Variants in DDX23 observed in about 807,000 individuals in gnomAD.
The protein encoded by DDX23 is probable ATP-dependent RNA helicase DDX23.
DDX23 carries 33 observed loss-of-function variants against 102.7 expected under a neutral mutation model. That is an observed-to-expected ratio of 0.32 (90% CI 0.24 to 0.43). The LOEUF (loss-of-function observed/expected upper bound fraction) is 0.43, where lower values mean the gene tolerates loss of function less well. Ranked by LOEUF, DDX23 falls within the 20% of genes least tolerant of loss-of-function variation. The pLI is 1.00. For missense variants in DDX23, 549 were observed against 1,086.6 expected (o/e 0.51, Z 6.96); for synonymous variants, 352 against 376.0 (o/e 0.94, Z 0.74).
chr12:48,837,845 C>A, intron 6 of DDX23, 97 bp downstream of exon 6: 1 of 1,570,764 alleles, frequency 6.4e-7, no homozygotes, highest in African/African-American at 1.4e-5. Context: ...TTTCCAAACT[C>A]CAGAGTGAAC....
At chr12:48,849,687 A>G (rs1031167312) in intron 1 of DDX23, among the ~76,000 whole-genome samples, 1 of 151,360 alleles carries the variant, frequency 6.6e-6, no homozygotes, top group African/African-American at 2.4e-5. Context: ...AAAATCAGCC[A>G]GGTGTGGTGG....
At chr12:48,842,459 G>GC (rs1938578374) in intron 3 of DDX23, among the ~76,000 whole-genome samples, 1 of 129,582 alleles carries the variant, frequency 7.7e-6, no homozygotes, top group South Asian at 2.6e-4. Flanking sequence ...AGGGGGGTCA[G>GC]CCCCCCGCCC....
chr12:48,837,865 T>C lies in DDX23; in HGVS notation c.619+77A>G, dbSNP rs560317529. Reference sequence around the variant, plus strand: ...AAACTCCAGAGTGAACAGGTTTCTATCTCTCCTAAGAGACACTGTATCTCA... The same window carrying C: ...AAACTCCAGAGTGAACAGGTTTCTACCTCTCCTAAGAGACACTGTATCTCA... On this transcript the variant is annotated intron_variant, in intron 6 of 16. Coordinates refer to ENST00000308025, the MANE Select transcript of DDX23 (RefSeq NM_004818.3). 1.6e-5 allele frequency: 25 copies of C among 1,590,640 alleles called. No homozygotes were observed. In the African/African-American group the frequency reaches 3.4e-4, roughly 21 times the overall value.
chr12:48,836,815 T>A lies in DDX23; in HGVS notation c.1011-21A>T, dbSNP rs1565676324. 6.2e-7 allele frequency: 1 copy of A among 1,612,990 alleles called. No individual in the cohort carries two copies. The highest frequency in any genetic ancestry group is 8.5e-7 in the Non-Finnish European group (1 of 1,179,274). On this transcript the variant is annotated intron_variant, in intron 9 of 16. Coordinates refer to ENST00000308025, the MANE Select transcript of DDX23 (RefSeq NM_004818.3). This position sits in a 1 kb window ranked among gnomAD's most constrained non-coding sequence, Gnocchi z 6.1. ...TTGCCCTGGAGCAGGGTGTGAGGAG[T>A]AAGTAGAATCAGTGCCCTCCAACTC...
chr12:48,839,770 C>G, intron 5 of DDX23, 74 bp downstream of exon 5: 3 of 1,475,406 alleles, frequency 2.0e-6, no homozygotes, highest in African/African-American at 1.4e-5. Context: ...TAACTTCTGT[C>G]GTTGAAGTCA....
chr12:48,836,838 C>G lies in DDX23; in HGVS notation c.1011-44G>C, dbSNP rs1938473218. The G allele has an allele frequency of 6.2e-7, 1 of 1,613,246 alleles. No homozygotes were observed. ...AGTAAGTAGAATCAGTGCCCTCCAA[C>G]TCCTTTCTGTAGAGCCTCTGGGCTC... On this transcript the variant is annotated intron_variant, in intron 9 of 16. Transcript: ENST00000308025. This position sits in a 1 kb window ranked among gnomAD's most constrained non-coding sequence, Gnocchi z 6.1.
At chr12:48,844,245 A>G (rs999539210) in intron 2 of DDX23, among the ~76,000 whole-genome samples, 195 bp from the exon 3 acceptor site, 1 of 152,202 alleles carries the variant, frequency 6.6e-6, no homozygotes, top group African/African-American at 2.4e-5. Flanking sequence ...ATTAACGGCA[A>G]TGACAGGTCA....
At chr12:48,847,033 G>A (rs1022400519) in intron 1 of DDX23, among the ~76,000 whole-genome samples, 1 of 152,140 alleles carries the variant, frequency 6.6e-6, no homozygotes, top group Non-Finnish European at 1.5e-5. Flanking sequence ...GGTTCCTTAA[G>A]CTTTAGCTTA....
intron 5 of DDX23, chr12:48,839,598 T>A: frequency 3.4e-6 from 1 of 293,222 alleles, no homozygotes; most frequent in Non-Finnish European, 6.1e-6. Flanking sequence ...CCTTTTAGGG[T>A]GAGCCCTAAT....
At chr12:48,837,782 A>C in intron 6 of DDX23, 125 bp from the exon 7 acceptor site, 1 of 1,531,720 alleles carries the variant, frequency 6.5e-7, no homozygotes, top group Non-Finnish European at 8.8e-7. Flanking sequence ...ATATGGGGTA[A>C]ATGGAGATCT....
Position 48,836,129 on chromosome 12 carries a change from T to C in DDX23, c.1374A>G (p.Lys458=). 2.5e-6 allele frequency: 4 copies of C among 1,612,882 alleles called. No individual in the cohort carries two copies. The highest frequency in any genetic ancestry group is 3.4e-6 in the Non-Finnish European group (4 of 1,179,974). Residue 458 remains lysine, a synonymous_variant, in exon 11 of 17, where the codon AAA becomes AAG. Transcript: ENST00000308025. The surrounding 1 kb of genome is among the most constrained non-coding windows in gnomAD (Gnocchi z 6.1). ...GTGCTAGCTGACCTCACCTGTCAAT[T>C]TTGGGAAGTGTGGTGATCCAGACCA... ...PLLVWITTLP[K]IDRIEESDQG...
At chr12:48,838,802 G>A (rs1015292332) in intron 5 of DDX23, among the ~76,000 whole-genome samples, 3 of 151,918 alleles carry the variant, frequency 2.0e-5, no homozygotes, top group Non-Finnish European at 2.9e-5. Flanking sequence ...GCAGTGAGCC[G>A]AGATCATGCC....
chr12:48,849,034 G>C (rs1453724977), intron 1 of DDX23, among the ~76,000 whole-genome samples: 1 of 152,050 alleles, frequency 6.6e-6, no homozygotes, highest in African/African-American at 2.4e-5. Context: ...ACAAGCATGA[G>C]CCACCATGCC....
chr12:48,849,222 C>A (rs150561536), intron 1 of DDX23, among the ~76,000 whole-genome samples: 141 of 152,148 alleles, frequency 9.3e-4, no homozygotes, highest in African/African-American at 3.3e-3. Flanking sequence ...TTTGGCCAGG[C>A]CTGGTGGCTC....
At chr12:48,834,245 A>C in intron 12 of DDX23, 75 bp downstream of exon 12, 1 of 1,436,212 alleles carries the variant, frequency 7.0e-7, no homozygotes. Flanking sequence ...CTGCACATAT[A>C]TTCCAGAAAC....
chr12:48,842,072 C>G (rs1938563008), intron 3 of DDX23, among the ~76,000 whole-genome samples: 1 of 151,540 alleles, frequency 6.6e-6, no homozygotes. Flanking sequence ...CGCCCGGCAG[C>G]CACATCGTCT....
intron 3 of DDX23, among the ~76,000 whole-genome samples, chr12:48,843,218 C>A (rs1415949544): frequency 3.3e-5 from 5 of 150,844 alleles, no homozygotes; most frequent in Non-Finnish European, 5.9e-5. Context: ...ACTTGTTTAT[C>A]TGCTGACCTT....
At chr12:48,834,691 T>C (rs1210766768) in intron 11 of DDX23, 194 bp from the exon 12 acceptor site, 1 of 509,070 alleles carries the variant, frequency 2.0e-6, no homozygotes, top group Non-Finnish European at 3.4e-6. Context: ...CCCAGAACTT[T>C]GGGAGGCTGA....
chr12:48,830,097 C>G lies in DDX23; in HGVS notation c.*372G>C. On this transcript the variant is annotated 3_prime_UTR_variant, in exon 17 of 17. Coordinates refer to ENST00000308025, the MANE Select transcript of DDX23 (RefSeq NM_004818.3). The surrounding 1 kb of genome is among the most constrained non-coding windows in gnomAD (Gnocchi z 4.9). Reference sequence around the variant, plus strand: ...TGCTACTGCAGTTTATGCAGTTACACAGTCAAGTCTGTGCCAAAGGAGGTC... The same window carrying G: ...TGCTACTGCAGTTTATGCAGTTACAGAGTCAAGTCTGTGCCAAAGGAGGTC... 2.4e-6 allele frequency: 1 copy of G among 413,816 alleles called. No individual in the cohort carries two copies. The highest frequency in any genetic ancestry group is 1.9e-5 in the South Asian group (1 of 53,718). 25.6% of individuals were successfully genotyped at this position (413,816 alleles called of 1,614,324 possible). A position where few individuals can be genotyped will look rare whatever the true frequency, so the allele number is the denominator to read the frequency against.
Sources: allele counts gnomAD v4.1 joint callset (sites outside exome capture counted in the v4.1 genomes callset), GRCh38; gene constraint gnomAD v4.1.1; non-coding constraint Gnocchi (gnomAD v3.1); transcripts MANE v1.5; gene names NCBI Gene and HGNC (gene_info 2026-07-23, HGNC 2026-07-21).